Variants in MECOM observed in about 807,000 individuals in gnomAD.
MECOM encodes MDS1 and EVI1 complex locus, also known as histone-lysine N-methyltransferase MECOM.
A neutral mutation model predicts 116.3 loss-of-function variants in MECOM; 13 were observed. The observed-to-expected ratio is 0.11, with a 90% confidence interval of 0.07 to 0.18. The LOEUF (loss-of-function observed/expected upper bound fraction) is 0.18, where lower values mean the gene tolerates loss of function less well. MECOM is among the 10% of genes least tolerant of loss of function. The pLI is 1.00. For missense variants in MECOM, 1,299 were observed against 1,509.0 expected (o/e 0.86, Z 2.31); for synonymous variants, 528 against 535.2 (o/e 0.99, Z 0.19).
chr3:169,161,632 A>C (rs1577217465), intron 2 of MECOM, among the ~76,000 whole-genome samples: 1 of 152,140 alleles, frequency 6.6e-6, no homozygotes, highest in South Asian at 2.1e-4. Flanking sequence ...TATATTAAGA[A>C]ATTTTAAATT....
chr3:169,102,615 T>C (rs1217191615), intron 10 of MECOM, among the ~76,000 whole-genome samples: 1 of 152,188 alleles, frequency 6.6e-6, no homozygotes, highest in Non-Finnish European at 1.5e-5. Flanking sequence ...AGTTGCTATA[T>C]GCCTTACCTA....
chr3:169,449,157 C>T (rs569449864), intron 1 of MECOM, among the ~76,000 whole-genome samples: 1 of 152,296 alleles, frequency 6.6e-6, no homozygotes, highest in Admixed American at 6.5e-5. Context: ...TAAATAGGAA[C>T]TGTGCTCACT....
At chr3:169,222,062 C>CA (rs1752205188) in intron 2 of MECOM, among the ~76,000 whole-genome samples, 1 of 152,154 alleles carries the variant, frequency 6.6e-6, no homozygotes, top group Non-Finnish European at 1.5e-5. Flanking sequence ...AGCTATGTTT[C>CA]AAGTGCTCAA....
chr3:169,282,883 T>A (rs9860990), intron 2 of MECOM, among the ~76,000 whole-genome samples: 23,120 of 151,754 alleles, frequency 0.15, 3,765 homozygotes, highest in African/African-American at 0.4. Context: ...GTAGAAACAG[T>A]TCTTAATTTT....
intron 2 of MECOM, among the ~76,000 whole-genome samples, chr3:169,335,155 G>T (rs1438567002): frequency 6.6e-6 from 1 of 152,054 alleles, no homozygotes; most frequent in Non-Finnish European, 1.5e-5. Flanking sequence ...CTCACCACTG[G>T]ACTGAACAAG....
chr3:169,136,814 A>T (rs35601116), intron 3 of MECOM, among the ~76,000 whole-genome samples: 26,822 of 152,032 alleles, frequency 0.18, 3,140 homozygotes, highest in Non-Finnish European at 0.24. Context: ...ATTTACTTTT[A>T]AAAAGATGAA....
intron 2 of MECOM, among the ~76,000 whole-genome samples, chr3:169,294,516 A>G (rs1026277634): frequency 6.6e-6 from 1 of 152,180 alleles, no homozygotes; most frequent in Non-Finnish European, 1.5e-5. Flanking sequence ...TCTCTGCTCA[A>G]ATGTCCCCAT....
chr3:169,462,830 T>C (rs2034478916), intron 1 of MECOM, among the ~76,000 whole-genome samples: 1 of 152,216 alleles, frequency 6.6e-6, no homozygotes, highest in African/African-American at 2.4e-5. Flanking sequence ...ATAATTATTT[T>C]GAAAATTTCT....
intron 1 of MECOM, chr3:169,566,067 G>C (rs555100197): frequency 3.0e-5 from 11 of 362,944 alleles, no homozygotes; most frequent in South Asian, 2.3e-4. Context: ...GAGAGAGAAA[G>C]AGCAATGAGA....
At chr3:169,624,967 T>C (rs945809209) in intron 1 of MECOM, among the ~76,000 whole-genome samples, 3 of 151,430 alleles carry the variant, frequency 2.0e-5, no homozygotes, top group Admixed American at 6.6e-5. Flanking sequence ...GATTGAAATC[T>C]CTGGCCATCC....
intron 2 of MECOM, among the ~76,000 whole-genome samples, chr3:169,254,553 C>T (rs1018139314): frequency 6.6e-6 from 1 of 152,040 alleles, no homozygotes. Context: ...GGGGGAAAAA[C>T]CACAGTTTCT....
intron 2 of MECOM, chr3:169,146,595 C>T: frequency 7.3e-7 from 1 of 1,372,112 alleles, no homozygotes; most frequent in Non-Finnish European, 9.7e-7. Flanking sequence ...AGACTGCGGG[C>T]GAGGAGGAAA....
intron 1 of MECOM, among the ~76,000 whole-genome samples, chr3:169,641,170 T>G (rs751699565): frequency 3.9e-5 from 6 of 152,184 alleles, no homozygotes; most frequent in Non-Finnish European, 8.8e-5. Flanking sequence ...AAGCTTCATT[T>G]GGTGAAAAAC....
chr3:169,085,162 G>T, intron 16 of MECOM, 119 bp from the exon 17 acceptor site: 1 of 1,269,254 alleles, frequency 7.9e-7, no homozygotes, highest in Non-Finnish European at 1.1e-6. Flanking sequence ...TCCTTCATGG[G>T]TGTGTTTGGC....
At chr3:169,131,046 G>C (rs1488674177) in intron 4 of MECOM, among the ~76,000 whole-genome samples, 1 of 152,100 alleles carries the variant, frequency 6.6e-6, no homozygotes, top group Admixed American at 6.6e-5. Context: ...ACTTTTCCCA[G>C]TAATAGAACA....
At chr3:169,257,973 C>A (rs1437916273) in intron 2 of MECOM, among the ~76,000 whole-genome samples, 1 of 152,198 alleles carries the variant, frequency 6.6e-6, no homozygotes, top group Non-Finnish European at 1.5e-5. Flanking sequence ...GCAATATCAG[C>A]ACTTTGGGAG....
intron 2 of MECOM, among the ~76,000 whole-genome samples, chr3:169,170,855 C>T (rs901208897): frequency 3.9e-5 from 6 of 152,146 alleles, no homozygotes; most frequent in Non-Finnish European, 7.4e-5. Flanking sequence ...CCCATAATGT[C>T]CTTTTTCACA....
intron 2 of MECOM, among the ~76,000 whole-genome samples, chr3:169,361,187 A>G (rs1431134922): frequency 6.6e-6 from 1 of 151,872 alleles, no homozygotes; most frequent in Non-Finnish European, 1.5e-5. Context: ...GCACTACAAG[A>G]ACATAAATTA....
chr3:169,181,634 G>T (rs1483421937), intron 2 of MECOM, among the ~76,000 whole-genome samples: 1 of 152,174 alleles, frequency 6.6e-6, no homozygotes, highest in Non-Finnish European at 1.5e-5. Flanking sequence ...GTAACTTTGT[G>T]AGTAAAGTGA....
Sources: allele counts gnomAD v4.1 joint callset (sites outside exome capture counted in the v4.1 genomes callset), GRCh38; gene constraint gnomAD v4.1.1; transcripts MANE v1.5; gene names NCBI Gene and HGNC (gene_info 2026-07-23, HGNC 2026-07-21).